ATP2B2: variants seen among roughly 807,000 people sequenced by gnomAD.
The protein encoded by ATP2B2 is plasma membrane calcium-transporting ATPase 2.
ATP2B2 carries 15 observed loss-of-function variants against 120.0 expected under a neutral mutation model. The ratio of observed to expected loss-of-function variants is 0.12; its 90% CI spans 0.08 to 0.19. ATP2B2 has a LOEUF of 0.19. ATP2B2 is among the 10% of genes least tolerant of loss of function. The pLI is 1.00. For synonymous variants in ATP2B2, 694 were observed against 700.3 expected, an observed-to-expected ratio of 0.99 and a Z score of 0.14; for missense variants, 1,045 against 1,719.8, an observed-to-expected ratio of 0.61 and a Z score of 6.94.
chr3:10,567,334 G>C (rs1008382727), intron 2 of ATP2B2, among the ~76,000 whole-genome samples: 2 of 152,208 alleles, frequency 1.3e-5, no homozygotes, highest in Non-Finnish European at 2.9e-5. Flanking sequence ...AGGCCTCTCT[G>C]AGCTTCTGTT....
chr3:10,458,427 A>C (rs759092416), intron 1 of ATP2B2, among the ~76,000 whole-genome samples: 4 of 150,348 alleles, frequency 2.7e-5, no homozygotes, highest in Non-Finnish European at 4.4e-5. Flanking sequence ...TGGTGTGATG[A>C]CTATGATGAA....
chr3:10,678,360 G>C (rs932330331), intron 1 of ATP2B2, among the ~76,000 whole-genome samples: 1 of 152,218 alleles, frequency 6.6e-6, no homozygotes, highest in Admixed American at 6.5e-5. Context: ...CTCCTTTCTT[G>C]GCGTGAGAGA....
intron 1 of ATP2B2, among the ~76,000 whole-genome samples, chr3:10,457,009 G>C (rs2064288100): frequency 6.6e-6 from 1 of 152,208 alleles, no homozygotes; most frequent in African/African-American, 2.4e-5. Context: ...CTCTCTGGGG[G>C]AGGCAATTTC....
chr3:10,385,139 G>T, intron 8 of ATP2B2, 129 bp downstream of exon 8: 1 of 926,978 alleles, frequency 1.1e-6, no homozygotes, highest in Non-Finnish European at 1.7e-6. Flanking sequence ...GTGAGAAGGT[G>T]ACTGTCCCAG....
At chr3:10,590,661 G>C (rs1269305425) in intron 2 of ATP2B2, among the ~76,000 whole-genome samples, 1 of 152,180 alleles carries the variant, frequency 6.6e-6, no homozygotes. Flanking sequence ...GGCCACCCAG[G>C]GCCATGGGAG....
At chr3:10,359,813 G>A in intron 13 of ATP2B2, 69 bp downstream of exon 13, 1 of 1,606,610 alleles carries the variant, frequency 6.2e-7, no homozygotes, top group Non-Finnish European at 8.5e-7. Flanking sequence ...AGTGCTATAT[G>A]ACCCTGACAT....
intron 3 of ATP2B2, among the ~76,000 whole-genome samples, chr3:10,530,426 C>T (rs887536251): frequency 1.8e-4 from 27 of 152,310 alleles, no homozygotes; most frequent in Non-Finnish European, 7.4e-5. Context: ...GACCTGCGGC[C>T]GGAGTGTCCC....
chr3:10,525,920 A>C (rs757761560), intron 3 of ATP2B2, among the ~76,000 whole-genome samples: 1 of 152,300 alleles, frequency 6.6e-6, no homozygotes, highest in Non-Finnish European at 1.5e-5. Context: ...CTGCTTCGCA[A>C]CTGTATTCAT....
chr3:10,506,105 C>A (rs1163331812), upstream of ATP2B2, among the ~76,000 whole-genome samples: 5 of 152,070 alleles, frequency 3.3e-5, no homozygotes, highest in African/African-American at 1.2e-4. Flanking sequence ...AGTCAAGGCA[C>A]CCCCAGACCT....
intron 1 of ATP2B2, among the ~76,000 whole-genome samples, chr3:10,676,828 A>T (rs2071257928): frequency 6.6e-6 from 1 of 152,254 alleles, no homozygotes; most frequent in Non-Finnish European, 1.5e-5. Context: ...TAAATAAATT[A>T]TGCGGAAGGT....
At chr3:10,641,542 G>A (rs1053121432) in intron 1 of ATP2B2, among the ~76,000 whole-genome samples, 1 of 152,158 alleles carries the variant, frequency 6.6e-6, no homozygotes, top group African/African-American at 2.4e-5. Context: ...TGTTACTGTT[G>A]TTTTCATCTG....
At chr3:10,398,410 C>T (rs938070207) in intron 5 of ATP2B2, among the ~76,000 whole-genome samples, 1 of 152,226 alleles carries the variant, frequency 6.6e-6, no homozygotes, top group African/African-American at 2.4e-5. Context: ...TCAGCTTGGG[C>T]TCAGAGGGCC....
At chr3:10,590,071 C>G (rs1198382295) in intron 2 of ATP2B2, among the ~76,000 whole-genome samples, 1 of 152,196 alleles carries the variant, frequency 6.6e-6, no homozygotes, top group Non-Finnish European at 1.5e-5. Flanking sequence ...TCTGGTGCAT[C>G]CCTCCCATGG....
rs1574956119 is a variant in ATP2B2 at position 10,342,099 on chromosome 3, C to T, written c.2917+653G>A. 6.6e-6 allele frequency among the ~76,000 whole-genome samples: 1 copy of T among 152,180 alleles called. No individual in the cohort carries two copies. Among genetic ancestry groups the T allele is most frequent in the South Asian group, 2.1e-4 (1 of 4,824 alleles). On this transcript the variant is annotated intron_variant, in intron 19 of 22. Coordinates refer to ENST00000360273, the MANE Select transcript of ATP2B2 (RefSeq NM_001001331.4). The surrounding 1 kb of genome is among the most constrained non-coding windows in gnomAD (Gnocchi z 4.4). Reference sequence around the variant, plus strand: ...GGGATAGGCTTTGTTGGGATTGCCTCCGAAGCATCTGTGGAAACCAGGCCA... The same window carrying T: ...GGGATAGGCTTTGTTGGGATTGCCTTCGAAGCATCTGTGGAAACCAGGCCA...
At chr3:10,406,428 T>C (rs1249965663) in intron 3 of ATP2B2, among the ~76,000 whole-genome samples, 1 of 152,230 alleles carries the variant, frequency 6.6e-6, no homozygotes, top group Admixed American at 6.5e-5. Context: ...ACAGACTGCA[T>C]TTACCGCAGT....
At chr3:10,616,682 G>GCACACA (rs34616841) in intron 2 of ATP2B2, among the ~76,000 whole-genome samples, 3,660 of 151,152 alleles carry the variant, frequency 0.024, 93 homozygotes, top group South Asian at 0.15. Flanking sequence ...CTAGCAAAAT[G>GCACACA]CACACACACA....
chr3:10,462,475 C>T (rs1575301826), intron 1 of ATP2B2, among the ~76,000 whole-genome samples: 1 of 152,226 alleles, frequency 6.6e-6, no homozygotes, highest in Admixed American at 6.5e-5. Flanking sequence ...CCTTCAGTGA[C>T]CACAGAGTGA....
At chr3:10,396,510 G>C (rs906010271) in intron 5 of ATP2B2, among the ~76,000 whole-genome samples, 1 of 152,240 alleles carries the variant, frequency 6.6e-6, no homozygotes, top group Non-Finnish European at 1.5e-5. Context: ...TGGTCTCTCT[G>C]TGTTGTTCCT....
At chr3:10,555,891 G>A (rs1432983337) in intron 2 of ATP2B2, among the ~76,000 whole-genome samples, 3 of 152,192 alleles carry the variant, frequency 2.0e-5, no homozygotes, top group African/African-American at 4.8e-5. Flanking sequence ...TGAGAGACAG[G>A]TCAGAAGCCC....
Sources: allele counts gnomAD v4.1 joint callset (sites outside exome capture counted in the v4.1 genomes callset), GRCh38; gene constraint gnomAD v4.1.1; non-coding constraint Gnocchi (gnomAD v3.1); transcripts MANE v1.5; gene names NCBI Gene and HGNC (gene_info 2026-07-23, HGNC 2026-07-21).